Variants in PARP3 observed in about 807,000 individuals in gnomAD.
PARP3 encodes poly(ADP-ribose) polymerase family member 3.
A neutral mutation model predicts 58.2 loss-of-function variants in PARP3; 46 were observed. The observed-to-expected ratio is 0.79, with a 90% CI of 0.62 to 1.01. PARP3 has a LOEUF of 1.01. Among genes scored for constraint, PARP3 ranks in the 50% least tolerant of loss-of-function variants. PARP3 has a pLI of 0.00. For missense variants in PARP3, 663 were observed against 683.9 expected (o/e 0.97, Z 0.34); for synonymous variants, 252 against 266.4 (o/e 0.95, Z 0.53).
rs371068434 is a variant in PARP3 at position 51,943,474 on chromosome 3, C to T, written c.119C>T (p.Pro40Leu). ...ACCGCTGAGGCCCTCAAGGCCATAC[C>T]CGCAGAGAAGCGCATAATCCGCGTG... ...RSTAEALKAIPAEKRIIRVDP... is the reference protein window; with the variant it reads ...RSTAEALKAILAEKRIIRVDP... The change falls in exon 2 of 11, where the codon CCC becomes CTC. Residue 40 changes from proline to leucine, a missense_variant. By Grantham distance (98) the Pro-to-Leu change is moderately conservative. This residue lies in a region of PARP3 where 567 missense variants were observed against 553.6 expected (regional missense o/e 1.02). Coordinates refer to ENST00000398755, the MANE Select transcript of PARP3 (RefSeq NM_001003931.4). 6.2e-7 allele frequency: 1 copy of T among 1,610,856 alleles called. No individual in the cohort carries two copies. Among genetic ancestry groups the T allele is most frequent in the African/African-American group, 1.3e-5 (1 of 74,992 alleles).
At chr3:51,942,911 T>A (rs1699578385) in intron 1 of PARP3, 1 of 1,417,608 alleles carries the variant, frequency 7.1e-7, no homozygotes, top group East Asian at 2.6e-5. Context: ...CAGGATCCTC[T>A]GCCCACCCTC....
Position 51,948,552 on chromosome 3 carries a change from C to A in PARP3, c.*72C>A. On this transcript the variant is annotated 3_prime_UTR_variant, in exon 11 of 11. Transcript: ENST00000398755. ...TCAATCATCCTGCCCATCTCTGGTA[C>A]CCCTATATCACTCCTTTTTTTCAAG... is the stretch of plus-strand genomic sequence containing the variant. The A allele has an allele frequency of 7.6e-7, 1 of 1,312,948 alleles. No homozygotes were observed. Among genetic ancestry groups the A allele is most frequent in the Non-Finnish European group, 1.1e-6 (1 of 927,208 alleles). The allele number at this position is 1,312,948 out of a possible 1,614,324, so 81.3% of individuals were successfully genotyped here. A position where few individuals can be genotyped will look rare whatever the true frequency, so the allele number is the denominator to read the frequency against.
rs1050911795 is a variant in PARP3, at chr3:51,944,739, G to A, written c.502-39G>A. ...TGGTCTCTGTCTGGTGTCACGCCCT[G>A]CCCCGCTGCTCCTGCCCACATGTGC... On this transcript the variant is annotated intron_variant, in intron 4 of 10. Transcript: ENST00000398755. This position sits in a 1 kb window ranked among gnomAD's most constrained non-coding sequence, Gnocchi z 4.2. 3.8e-6 allele frequency: 6 copies of A among 1,587,202 alleles called. No individual in the cohort carries two copies. The Admixed American group carries it at 1.1e-4, about 28-fold the overall frequency.
Position 51,946,505 on chromosome 3 carries a change from G to A in PARP3, c.1276+162G>A, listed in dbSNP as rs1376271822. On this transcript the variant is annotated intron_variant, in intron 9 of 10. Coordinates refer to ENST00000398755, the MANE Select transcript of PARP3 (RefSeq NM_001003931.4). The surrounding 1 kb of genome is among the most constrained non-coding windows in gnomAD (Gnocchi z 4.6). ...CTGTCCTGGGCTTTGGTGGCGGGGG[G>A]TCTTAGAGAAAGTGTCTGATGGTCA... is the stretch of plus-strand genomic sequence containing the variant. Among the ~76,000 whole-genome samples the A allele has an allele frequency of 2.6e-5, 4 of 152,190 alleles. No individual in the cohort carries two copies. Among genetic ancestry groups the A allele is most frequent in the African/African-American group, 4.8e-5 (2 of 41,442 alleles).
chr3:51,945,796 T>G, intron 7 of PARP3, 57 bp from the exon 8 acceptor site: 1 of 1,551,550 alleles, frequency 6.4e-7, no homozygotes. Context: ...GGAAGAAAAA[T>G]GGGGGATTAG....
Position 51,945,608 on chromosome 3 carries a change from G to C in PARP3, c.975G>C (p.Gln325His). 1 of 1,613,988 alleles carries C rather than the reference G, an allele frequency of 6.2e-7. No homozygotes were observed. Among genetic ancestry groups the C allele is most frequent in the Admixed American group, 1.7e-5 (1 of 60,032 alleles). Residue 325 changes from glutamine to histidine, a missense_variant, in exon 7 of 11, where the codon CAG becomes CAC. Physicochemically the swap from Gln to His is conservative, Grantham distance 24 (BLOSUM62 0). Coordinates refer to ENST00000398755, the MANE Select transcript of PARP3 (RefSeq NM_001003931.4). Reference protein sequence around the residue: ...LDRDYQLLKCQLQLLDSGAPE... With the variant: ...LDRDYQLLKCHLQLLDSGAPE... ...GAGACTACCAGCTTCTCAAGTGCCA[G>C]CTGCAGCTGCTAGACTCTGGAGCAC... is the stretch of plus-strand genomic sequence containing the variant.
rs548477088 is a variant in PARP3 at position 51,948,588 on chromosome 3, G to A, written c.*108G>A. ...CTCCTTTTTTTCAAGAATACAATAC[G>A]TTGTTGTTAACTATAGTCACCATGC... On this transcript the variant is annotated 3_prime_UTR_variant, in exon 11 of 11. Coordinates refer to ENST00000398755, the MANE Select transcript of PARP3 (RefSeq NM_001003931.4). 7.2e-6 allele frequency: 7 copies of A among 971,790 alleles called. No homozygotes were observed. The highest frequency in any genetic ancestry group is 3.2e-5 in the South Asian group (2 of 62,344). The allele number at this position is 971,790 out of a possible 1,614,324, so 60.2% of individuals were successfully genotyped here. A position where few individuals can be genotyped will look rare whatever the true frequency, so the allele number is the denominator to read the frequency against.
chr3:51,945,478 A>G lies in PARP3; in HGVS notation c.862-17A>G. 6.2e-7 allele frequency: 1 copy of G among 1,611,080 alleles called. No individual in the cohort carries two copies. The highest frequency in any genetic ancestry group is 2.2e-5 in the East Asian group (1 of 44,802). On this transcript the variant is annotated splice_polypyrimidine_tract_variant and intron_variant, in intron 6 of 10. Transcript: ENST00000398755. ...AGGTCAAGTGGGAAGACAAACTGCC[A>G]GGGCCCATCATCCTAGGTGCTGGCG... is the stretch of plus-strand genomic sequence containing the variant.
At chr3:51,947,596 G>A (rs540591548) in intron 9 of PARP3, 144 bp from the exon 10 acceptor site, 3 of 821,172 alleles carry the variant, frequency 3.7e-6, no homozygotes, top group East Asian at 2.7e-5. Flanking sequence ...GCCGGGACAA[G>A]GAGGGAGTGA....
rs777471326 is a variant in PARP3 at position 51,942,707 on chromosome 3, G to C, written c.-4G>C. ...CCTCTCCCATGTCCCTGCTTTTCTTGGGTGAGTGTCCTATGGTCCTGCCCA... is the reference window on the plus strand; with the variant it reads ...CCTCTCCCATGTCCCTGCTTTTCTTCGGTGAGTGTCCTATGGTCCTGCCCA... On this transcript the variant is annotated splice_region_variant and 5_prime_UTR_variant, in exon 1 of 11. Transcript: ENST00000398755. 1 of 1,559,064 alleles carries C rather than the reference G, an allele frequency of 6.4e-7. No homozygotes were observed. The highest frequency in any genetic ancestry group is 8.7e-7 in the Non-Finnish European group (1 of 1,150,184).
At position 51,945,555 on chromosome 3, in the gene PARP3, G is replaced by A; in HGVS notation, c.922G>A (p.Val308Met). 1 of 1,613,924 alleles carries A rather than the reference G, an allele frequency of 6.2e-7. No homozygotes were observed. The highest frequency in any genetic ancestry group is 8.5e-7 in the Non-Finnish European group (1 of 1,180,012). ...GGCAGTCTCTGAGCAGGAGAAGACG[G>A]TGGAGGAGGTGCCACACCCCCTGGA... ...LQAVSEQEKTVEEVPHPLDRD... is the reference protein window; with the variant it reads ...LQAVSEQEKTMEEVPHPLDRD... The change falls in exon 7 of 11, where the codon GTG becomes ATG. Residue 308 changes from valine (V) to methionine (M), a missense_variant. Val to Met is a conservative substitution (Grantham distance 21, BLOSUM62 1). Transcript: ENST00000398755.
rs1001632740 is a variant in PARP3 at position 51,948,810 on chromosome 3, T to G, written c.*330T>G. On this transcript the variant is annotated 3_prime_UTR_variant, in exon 11 of 11. Coordinates refer to ENST00000398755, the MANE Select transcript of PARP3 (RefSeq NM_001003931.4). Reference sequence around the variant, plus strand: ...TGTGCCTGGCTTATTTCACTCAGCATAATGTGCACCGGGTTCACCCATGTT... The same window carrying G: ...TGTGCCTGGCTTATTTCACTCAGCAGAATGTGCACCGGGTTCACCCATGTT... 4 of 311,442 alleles carry G rather than the reference T, an allele frequency of 1.3e-5. No individual in the cohort carries two copies. The highest frequency in any genetic ancestry group is 2.4e-5 in the Non-Finnish European group (4 of 168,756). The allele number at this position is 311,442 out of a possible 1,614,324, so 19.3% of individuals were successfully genotyped here.
In PARP3 at chr3:51,947,850, C is replaced by T; in HGVS notation, c.1387C>T (p.Pro463Ser). The T allele has an allele frequency of 6.2e-7, 1 of 1,614,102 alleles. No homozygotes were observed. The highest frequency in any genetic ancestry group is 1.3e-5 in the African/African-American group (1 of 75,012). The change falls in exon 10 of 11, where the codon CCT becomes TCT. Residue 463 changes from proline to serine, a missense_variant. Transcript: ENST00000398755. Reference protein sequence around the residue: ...NTDNPSLKSPPPGFDSVIARG... With the variant: ...NTDNPSLKSPSPGFDSVIARG... ...GGACAACCCCAGCTTGAAGAGCCCA[C>T]CTCCTGGCTTCGACAGTGTCATTGC...
At chr3:51,947,989 A>G (rs1358527439) in intron 10 of PARP3, 94 bp downstream of exon 10, 3 of 1,263,244 alleles carry the variant, frequency 2.4e-6, no homozygotes, top group African/African-American at 3.0e-5. Flanking sequence ...AGAGGGACAA[A>G]AAGAAGCTTC....
chr3:51,947,793 G>A lies in PARP3; in HGVS notation c.1330G>A (p.Val444Met). 1 of 1,614,152 alleles carries A rather than the reference G, an allele frequency of 6.2e-7. No homozygotes were observed. The highest frequency in any genetic ancestry group is 8.5e-7 in the Non-Finnish European group (1 of 1,180,002). Residue 444 changes from valine (V) to methionine (M), a missense_variant, in exon 10 of 11, where the codon GTG becomes ATG. Physicochemically the swap from Val to Met is conservative, Grantham distance 21. This residue lies in a region of PARP3 where 8 missense variants were observed against 21.3 expected (regional missense o/e 0.38). Coordinates refer to ENST00000398755, the MANE Select transcript of PARP3 (RefSeq NM_001003931.4). The stretch of plus-strand genomic sequence containing the variant: ...TGTCGGCTACATGTTCCTGGGTGAG[G>A]TGGCCCTGGGCAGAGAGCACCATAT... ...HHVGYMFLGE[V>M]ALGREHHINT...
chr3:51,944,988 G>T lies in PARP3; in HGVS notation c.635-10G>T. On this transcript the variant is annotated splice_polypyrimidine_tract_variant and intron_variant, in intron 5 of 10. Coordinates refer to ENST00000398755, the MANE Select transcript of PARP3 (RefSeq NM_001003931.4). The surrounding 1 kb of genome is among the most constrained non-coding windows in gnomAD (Gnocchi z 4.2). ...TGGGGCTGAGTCTCCCCACTCCCCT[G>T]TCCCCCTAGATGTGAAGAAGATGCC... 1 of 1,613,670 alleles carries T rather than the reference G, an allele frequency of 6.2e-7. No individual in the cohort carries two copies. Among genetic ancestry groups the T allele is most frequent in the Non-Finnish European group, 8.5e-7 (1 of 1,179,934 alleles).
At chr3:51,947,571 G>A in intron 9 of PARP3, 169 bp from the exon 10 acceptor site, 1 of 675,726 alleles carries the variant, frequency 1.5e-6, no homozygotes, top group East Asian at 2.7e-5. Flanking sequence ...AGCACAGTGA[G>A]GTGGGAGGGA....
rs114378734 is a variant in PARP3, at chr3:51,946,063, G to A, written c.1099-103G>A. On this transcript the variant is annotated intron_variant, in intron 8 of 10. Coordinates refer to ENST00000398755, the MANE Select transcript of PARP3 (RefSeq NM_001003931.4). The surrounding 1 kb of genome is among the most constrained non-coding windows in gnomAD (Gnocchi z 4.6). ...CAGTTTCTGCCGGCCATGAGTGCGCGTGAGTAAGCAGAGGGACACTAGGCC... is the reference window on the plus strand; with the variant it reads ...CAGTTTCTGCCGGCCATGAGTGCGCATGAGTAAGCAGAGGGACACTAGGCC... 566 of 1,352,358 alleles carry A rather than the reference G, an allele frequency of 4.2e-4. 2 individuals are homozygous for A. In the African/African-American group the frequency reaches 6.1e-3, roughly 15 times the overall value. The allele number at this position is 1,352,358 out of a possible 1,614,324, so 83.8% of individuals were successfully genotyped here.
Position 51,944,637 on chromosome 3 carries a change from G to T in PARP3, c.501+59G>T. 6.3e-7 allele frequency: 1 copy of T among 1,590,170 alleles called. No individual in the cohort carries two copies. The highest frequency in any genetic ancestry group is 1.1e-5 in the South Asian group (1 of 88,800). On this transcript the variant is annotated intron_variant, in intron 4 of 10. Transcript: ENST00000398755. This position sits in a 1 kb window ranked among gnomAD's most constrained non-coding sequence, Gnocchi z 4.2. ...ACTGAGGGAGGGGACTCGTTGGAGA[G>T]TTCCCGCTGGTTGGGCTCTGCCACT...
Sources: allele counts gnomAD v4.1 joint callset (sites outside exome capture counted in the v4.1 genomes callset), GRCh38; gene constraint gnomAD v4.1.1; regional missense constraint gnomAD v4.1.1; non-coding constraint Gnocchi (gnomAD v3.1); transcripts MANE v1.5; gene names NCBI Gene and HGNC (gene_info 2026-07-23, HGNC 2026-07-21).